The following XPNPEP3 variants were observed in gnomAD, a reference collection of about 807,000 sequenced individuals.
XPNPEP3 encodes xaa-Pro aminopeptidase 3.
Under a neutral mutation model 60.0 loss-of-function variants are expected in XPNPEP3, and 41 were observed. The ratio of observed to expected loss-of-function variants is 0.68; its 90% CI spans 0.53 to 0.89. The LOEUF (loss-of-function observed/expected upper bound fraction) is 0.89, where lower values mean the gene tolerates loss of function less well. Among genes scored for constraint, XPNPEP3 ranks in the 40% least tolerant of loss-of-function variants. The pLI is 0.00. For synonymous variants in XPNPEP3, 212 were observed against 223.2 expected, an observed-to-expected ratio of 0.95 and a Z score of 0.45; for missense variants, 598 against 638.9, an observed-to-expected ratio of 0.94 and a Z score of 0.69.
At chr22:40,916,050 T>C (rs997940780) in intron 7 of XPNPEP3, among the ~76,000 whole-genome samples, 5 of 152,096 alleles carry the variant, frequency 3.3e-5, no homozygotes, top group Non-Finnish European at 5.9e-5. Context: ...TCTAGCACTT[T>C]GGGGGGCCGA....
intron 1 of XPNPEP3, 124 bp from the exon 2 acceptor site, chr22:40,868,875 A>T: frequency 1.3e-6 from 1 of 780,438 alleles, no homozygotes; most frequent in Non-Finnish European, 2.2e-6. Flanking sequence ...ATTGAAGGAG[A>T]GAAGGAAGGA....
intron 3 of XPNPEP3, among the ~76,000 whole-genome samples, chr22:40,885,869 C>T (rs1484738695): frequency 6.6e-6 from 1 of 152,144 alleles, no homozygotes; most frequent in Non-Finnish European, 1.5e-5. Flanking sequence ...GTAGTCCCAG[C>T]TACTTGGGAG....
At chr22:40,914,010 G>A (rs1388387266) in intron 6 of XPNPEP3, among the ~76,000 whole-genome samples, 2 of 151,456 alleles carry the variant, frequency 1.3e-5, no homozygotes, top group Non-Finnish European at 2.9e-5. Flanking sequence ...AGGTGTGGTG[G>A]CAATCACCTG....
In XPNPEP3 at chr22:40,929,187, CTTTTCTTTTTTTTTT is replaced by C. The variant is rs1206619775; in HGVS notation, c.*2757_*2771del. The C allele has an allele frequency of 6.7e-6, 1 of 148,236 alleles. No individual in the cohort carries two copies. The highest frequency in any genetic ancestry group is 1.5e-5 in the Non-Finnish European group (1 of 66,964). The allele number at this position is 148,236 out of a possible 1,614,324, so 9.2% of individuals were successfully genotyped here. On this transcript the variant is annotated 3_prime_UTR_variant, in exon 10 of 10. Transcript: ENST00000357137. ...TTTTCTTCTTGTATCATTTTCTTTT[CTTTTCTTTTTTTTTT>C]TTTTTTTGAGACGGAGTCTCACACT...
In XPNPEP3 at chr22:40,926,744, A is replaced by T. The variant is rs1303895083; in HGVS notation, c.*309A>T. 1 of 406,750 alleles carries T rather than the reference A, an allele frequency of 2.5e-6. No homozygotes were observed. The highest frequency in any genetic ancestry group is 4.6e-6 in the Non-Finnish European group (1 of 217,432). 25.2% of individuals were successfully genotyped at this position (406,750 alleles called of 1,614,324 possible). On this transcript the variant is annotated 3_prime_UTR_variant, in exon 10 of 10. Coordinates refer to ENST00000357137, the MANE Select transcript of XPNPEP3 (RefSeq NM_022098.4). ...TTGGTTACACATGTCCATGCATTCC[A>T]GTTAACACATTTAAACATATAGAAA...
chr22:40,883,312 C>A (rs2058055726), intron 3 of XPNPEP3, among the ~76,000 whole-genome samples: 1 of 152,090 alleles, frequency 6.6e-6, no homozygotes, highest in African/African-American at 2.4e-5. Flanking sequence ...GAATCAGAAT[C>A]TGCATTTTAA....
intron 2 of XPNPEP3, among the ~76,000 whole-genome samples, chr22:40,871,048 T>C (rs757752277): frequency 6.6e-6 from 1 of 150,886 alleles, no homozygotes; most frequent in Non-Finnish European, 1.5e-5. Context: ...GGAAAAAAAA[T>C]TTAAAGGCAT....
At chr22:40,858,869 G>A (rs1439885498) in intron 1 of XPNPEP3, among the ~76,000 whole-genome samples, 2 of 152,188 alleles carry the variant, frequency 1.3e-5, no homozygotes, top group Non-Finnish European at 2.9e-5. Flanking sequence ...AAACAAAATA[G>A]TAGGCATTAC....
At position 40,908,185 on chromosome 22, in the gene XPNPEP3, C is replaced by T. The variant is rs1468175227; in HGVS notation, c.855+536C>T. On this transcript the variant is annotated intron_variant, in intron 5 of 9. Transcript: ENST00000357137. ...GCCAAGATCATGCCACTGCACTGCACTCTAGCCTGGGCAACAGAGCAAGAC... is the reference window on the plus strand; with the variant it reads ...GCCAAGATCATGCCACTGCACTGCATTCTAGCCTGGGCAACAGAGCAAGAC... Among the ~76,000 whole-genome samples the T allele has an allele frequency of 2.0e-5, 3 of 150,970 alleles. No individual in the cohort carries two copies. The Admixed American group carries it at 2.0e-4, about 10-fold the overall frequency.
chr22:40,863,928 T>A (rs2057964779), intron 1 of XPNPEP3, among the ~76,000 whole-genome samples: 1 of 152,198 alleles, frequency 6.6e-6, no homozygotes, highest in Admixed American at 6.5e-5. Flanking sequence ...GAGTTTAGGT[T>A]CTAGGCATTC....
At chr22:40,884,582 C>G (rs974897450) in intron 3 of XPNPEP3, among the ~76,000 whole-genome samples, 1 of 151,564 alleles carries the variant, frequency 6.6e-6, no homozygotes, top group African/African-American at 2.4e-5. Context: ...GATCCACCCC[C>G]CTCAGCCTCC....
In XPNPEP3 at chr22:40,907,658, C is replaced by T. The variant is rs1315130622; in HGVS notation, c.855+9C>T. On this transcript the variant is annotated intron_variant, in intron 5 of 9. Transcript: ENST00000357137. Reference sequence around the variant, plus strand: ...CCTTTCTTTATGCTAAGGTGAGATTCAGATGGTTAGCTTCACCATCTTGTT... The same window carrying T: ...CCTTTCTTTATGCTAAGGTGAGATTTAGATGGTTAGCTTCACCATCTTGTT... The T allele has an allele frequency of 1.2e-6, 2 of 1,612,636 alleles. No individual in the cohort carries two copies. Among genetic ancestry groups the T allele is most frequent in the Admixed American group, 1.7e-5 (1 of 60,008 alleles).
At chr22:40,889,975 T>G (rs555645271) in intron 4 of XPNPEP3, among the ~76,000 whole-genome samples, 28 of 152,340 alleles carry the variant, frequency 1.8e-4, no homozygotes, top group African/African-American at 6.7e-4. Context: ...ATCCACAGTT[T>G]TCTGCACTTC....
At chr22:40,894,652 C>G (rs2058101130) in intron 4 of XPNPEP3, among the ~76,000 whole-genome samples, 3 of 152,148 alleles carry the variant, frequency 2.0e-5, no homozygotes, top group Admixed American at 2.0e-4. Context: ...TGTCATTGTT[C>G]AGTGCGTCAC....
intron 4 of XPNPEP3, among the ~76,000 whole-genome samples, chr22:40,902,071 C>CTTTTTTTT (rs748080226): frequency 1.6e-5 from 2 of 127,612 alleles, no homozygotes; most frequent in African/African-American, 3.2e-5. Context: ...ACTTTTCCTT[C>CTTTTTTTT]TTTTTTTTTT....
At chr22:40,897,673 G>A (rs1164341598) in intron 4 of XPNPEP3, among the ~76,000 whole-genome samples, 25 of 152,020 alleles carry the variant, frequency 1.6e-4, no homozygotes, top group Admixed American at 1.6e-3. Context: ...GTTTTCCACA[G>A]CAAATGGACC....
In XPNPEP3 at chr22:40,891,189, A is replaced by C. The variant is rs557099885; in HGVS notation, c.792+4674A>C. Among the ~76,000 whole-genome samples the C allele has an allele frequency of 1.7e-4, 26 of 151,400 alleles. 1 individual carries two copies. In the South Asian group the frequency reaches 5.2e-3, roughly 30 times the overall value. ...AAGACCCCATTTCTACAAAAAAAAA[A>C]AAAAAAAAAAAAAGTTTTTAATTAG... On this transcript the variant is annotated intron_variant, in intron 4 of 9. Coordinates refer to ENST00000357137, the MANE Select transcript of XPNPEP3 (RefSeq NM_022098.4).
At chr22:40,913,485 T>C (rs1032523101) in intron 6 of XPNPEP3, among the ~76,000 whole-genome samples, 3 of 151,608 alleles carry the variant, frequency 2.0e-5, no homozygotes, top group Non-Finnish European at 4.4e-5. Context: ...GTTAAGTGTT[T>C]AAGGGTGGCT....
At chr22:40,881,727 CA>C in intron 2 of XPNPEP3, 42 bp from the exon 3 acceptor site, 1 of 1,607,580 alleles carries the variant, frequency 6.2e-7, no homozygotes, top group Non-Finnish European at 8.5e-7. Flanking sequence ...AGTACTTTGG[CA>C]CTGCAGAAAT....
Sources: gnomAD v4.1 joint callset for allele counts (sites outside exome capture counted in the v4.1 genomes callset) on GRCh38, gnomAD v4.1.1 for gene constraint, MANE v1.5 for transcripts, NCBI Gene and HGNC (gene_info 2026-07-23, HGNC 2026-07-21) for gene names.